SFMBT1: variants seen among roughly 807,000 people sequenced by gnomAD.
SFMBT1 encodes scm-like with four MBT domains protein 1.
Under a neutral mutation model 108.7 loss-of-function variants are expected in SFMBT1, and 32 were observed. The ratio of observed to expected loss-of-function variants is 0.29; its 90% CI spans 0.22 to 0.40. SFMBT1 has a LOEUF of 0.40. Among genes scored for constraint, SFMBT1 ranks in the 10% least tolerant of loss-of-function variants. The pLI is 1.00. For synonymous variants in SFMBT1, 348 were observed against 369.5 expected (o/e 0.94, Z 0.67); for missense variants, 816 against 1,059.6 (o/e 0.77, Z 3.19).
At chr3:52,978,174 AAGG>A (rs1482451992) in intron 1 of SFMBT1, among the ~76,000 whole-genome samples, 2 of 152,132 alleles carry the variant, frequency 1.3e-5, no homozygotes, top group African/African-American at 2.4e-5. Flanking sequence ...GGTAGAGAGA[AAGG>A]AGGTTTCACT....
At chr3:52,924,821 G>A (rs181857576) in intron 10 of SFMBT1, among the ~76,000 whole-genome samples, 2 of 152,324 alleles carry the variant, frequency 1.3e-5, no homozygotes, top group Admixed American at 1.3e-4. Flanking sequence ...TTGATAATGA[G>A]AGACTACTGG....
chr3:53,022,479 A>G (rs1264364950), intron 1 of SFMBT1, among the ~76,000 whole-genome samples: 2 of 151,058 alleles, frequency 1.3e-5, no homozygotes, highest in Non-Finnish European at 3.0e-5. Context: ...AAAAGCAAAC[A>G]TAAGACCCTG....
chr3:52,908,873 A>G (rs1702146853), intron 17 of SFMBT1, among the ~76,000 whole-genome samples: 1 of 152,194 alleles, frequency 6.6e-6, no homozygotes, highest in Non-Finnish European at 1.5e-5. Flanking sequence ...ACCCGGCTTG[A>G]CTATTCTTTA....
At chr3:52,928,643 T>TAC (rs1305309822) in intron 8 of SFMBT1, 5 of 50,504 alleles carry the variant, frequency 9.9e-5, no homozygotes, top group South Asian at 1.1e-3. Context: ...TATACATATA[T>TAC]ATATATATAT....
chr3:52,981,536 T>TC (rs1463415343), intron 1 of SFMBT1, among the ~76,000 whole-genome samples: 1 of 150,616 alleles, frequency 6.6e-6, no homozygotes, highest in Non-Finnish European at 1.5e-5. Flanking sequence ...CTAATTTTTT[T>TC]TTTTTTTTTT....
intron 14 of SFMBT1, 68 bp downstream of exon 14, chr3:52,916,082 T>A (rs1702342748): frequency 2.2e-6 from 3 of 1,350,916 alleles, no homozygotes; most frequent in Non-Finnish European, 3.2e-6. Context: ...CTGTTTTAAG[T>A]TATTTTCAGA....
Position 52,967,536 on chromosome 3 carries a change from G to T in SFMBT1, c.28+1565C>A, listed in dbSNP as rs1441860574. Among the ~76,000 whole-genome samples, 3 of 152,122 alleles carry T rather than the reference G, an allele frequency of 2.0e-5. No individual in the cohort carries two copies. The East Asian group carries it at 5.8e-4, about 29-fold the overall frequency. On this transcript the variant is annotated intron_variant, in intron 2 of 20. Transcript: ENST00000394752. ...AACCTCTGAATTATGTACTCTAAAA[G>T]GGTTGATTTTATGGTATGTGTATTG...
rs1334900184 is a variant in SFMBT1, at chr3:52,904,656, CA to C, written c.*479del. On this transcript the variant is annotated 3_prime_UTR_variant, in exon 21 of 21. Coordinates refer to ENST00000394752, the MANE Select transcript of SFMBT1 (RefSeq NM_016329.4). Reference sequence around the variant, plus strand: ...TTTAATTTTAAAAAGTTTAAAAACACAATGACAATGAAGCACTGATATGCCT... The same window carrying C: ...TTTAATTTTAAAAAGTTTAAAAACACATGACAATGAAGCACTGATATGCCT... The C allele has an allele frequency of 2.0e-5, 3 of 152,944 alleles. No individual in the cohort carries two copies. Among genetic ancestry groups the C allele is most frequent in the African/African-American group, 7.2e-5 (3 of 41,446 alleles). The allele number at this position is 152,944 out of a possible 1,614,324, so 9.5% of individuals were successfully genotyped here.
rs566122759 is a variant in SFMBT1 at position 52,959,403 on chromosome 3, G to T, written c.29-4992C>A. Among the ~76,000 whole-genome samples, 10 of 152,114 alleles carry T rather than the reference G, an allele frequency of 6.6e-5. No individual in the cohort carries two copies. The East Asian group carries it at 1.7e-3, about 26-fold the overall frequency. The stretch of plus-strand genomic sequence containing the variant: ...TTACACTTAAAATCTAAAATCTGTG[G>T]GACACTACAAAGGCCGTACATGACC... On this transcript the variant is annotated intron_variant, in intron 2 of 20. Transcript: ENST00000394752.
chr3:52,908,915 G>A (rs528924117), intron 17 of SFMBT1, among the ~76,000 whole-genome samples: 7 of 152,054 alleles, frequency 4.6e-5, no homozygotes, highest in African/African-American at 1.7e-4. Context: ...TAACTTTATG[G>A]TTAAAAAAAG....
intron 3 of SFMBT1, among the ~76,000 whole-genome samples, chr3:52,946,776 C>CT (rs34235258): frequency 0.012 from 1,706 of 145,014 alleles, 44 homozygotes; most frequent in African/African-American, 0.036. Context: ...TGCTCCATTC[C>CT]TTTTTTTTTT....
intron 10 of SFMBT1, 89 bp from the exon 11 acceptor site, chr3:52,921,920 T>G: frequency 1.6e-6 from 2 of 1,261,284 alleles, no homozygotes; most frequent in Non-Finnish European, 2.3e-6. Context: ...AAGTAGTACT[T>G]AATCCCTAGG....
chr3:52,934,588 A>G (rs1702949380), intron 5 of SFMBT1, among the ~76,000 whole-genome samples: 1 of 152,180 alleles, frequency 6.6e-6, no homozygotes, highest in Non-Finnish European at 1.5e-5. Flanking sequence ...AATCTGGGAA[A>G]TTAGATTTTT....
chr3:52,949,758 T>C (rs1703508635), intron 3 of SFMBT1, among the ~76,000 whole-genome samples: 1 of 151,894 alleles, frequency 6.6e-6, no homozygotes, highest in African/African-American at 2.4e-5. Context: ...TTTGTATTTT[T>C]AGTAGAAACA....
At position 53,045,947 on chromosome 3, in the gene SFMBT1, G is replaced by C. The variant is rs1700226674; in HGVS notation, c.-262C>G. ...TTTTCCTCCCGTGCTGCCCGCGCTCGCCCGCTCGCGCCCTCCTTCCTGCTG... is the reference window on the plus strand; with the variant it reads ...TTTTCCTCCCGTGCTGCCCGCGCTCCCCCGCTCGCGCCCTCCTTCCTGCTG... On this transcript the variant is annotated 5_prime_UTR_variant, in exon 1 of 21. Transcript: ENST00000394752. 6.6e-6 allele frequency: 1 copy of C among 150,746 alleles called. No individual in the cohort carries two copies. The highest frequency in any genetic ancestry group is 6.6e-5 in the Admixed American group (1 of 15,170). The allele number at this position is 150,746 out of a possible 1,614,324, so 9.3% of individuals were successfully genotyped here.
chr3:52,952,279 C>T (rs1276832794), intron 3 of SFMBT1, among the ~76,000 whole-genome samples: 1 of 152,122 alleles, frequency 6.6e-6, no homozygotes, highest in Non-Finnish European at 1.5e-5. Flanking sequence ...AATGGCAGGA[C>T]TCTTTAGCAT....
intron 1 of SFMBT1, among the ~76,000 whole-genome samples, chr3:53,038,577 T>C (rs1237584297): frequency 6.6e-6 from 1 of 152,162 alleles, no homozygotes; most frequent in Non-Finnish European, 1.5e-5. Flanking sequence ...TGGAGGAAAA[T>C]ATAACTCTTT....
At chr3:52,945,555 C>A (rs752202737) in intron 3 of SFMBT1, among the ~76,000 whole-genome samples, 1 of 151,976 alleles carries the variant, frequency 6.6e-6, no homozygotes, top group Non-Finnish European at 1.5e-5. Flanking sequence ...CATCTGTAAT[C>A]CCAGTACTTT....
intron 20 of SFMBT1, 121 bp from the exon 21 acceptor site, chr3:52,905,397 T>G (rs1278594802): frequency 4.6e-5 from 47 of 1,012,526 alleles, no homozygotes; most frequent in Non-Finnish European, 6.4e-5. Flanking sequence ...CTTTCCTTAC[T>G]TTTTCGTCTT....
Sources: allele counts gnomAD v4.1 joint callset (sites outside exome capture counted in the v4.1 genomes callset), GRCh38; gene constraint gnomAD v4.1.1; transcripts MANE v1.5; gene names NCBI Gene and HGNC (gene_info 2026-07-23, HGNC 2026-07-21).